PHACTR1: variants seen among roughly 807,000 people sequenced by gnomAD.
PHACTR1 encodes RPEL repeat containing 1.
PHACTR1 carries 16 observed loss-of-function variants against 69.2 expected under a neutral mutation model. The ratio of observed to expected loss-of-function variants is 0.23; its 90% CI spans 0.16 to 0.35. The LOEUF (loss-of-function observed/expected upper bound fraction) is 0.35. Ranked by LOEUF, PHACTR1 falls within the 10% of genes least tolerant of loss-of-function variation. The pLI is 1.00. For synonymous variants in PHACTR1, 312 were observed against 284.5 expected, an observed-to-expected ratio of 1.10 and a Z score of -0.97; for missense variants, 510 against 734.7, an observed-to-expected ratio of 0.69 and a Z score of 3.54.
chr6:13,117,284 T>A (rs531276712), intron 5 of PHACTR1, among the ~76,000 whole-genome samples: 1 of 152,354 alleles, frequency 6.6e-6, no homozygotes, highest in East Asian at 1.9e-4. Context: ...CTAGGCAAGA[T>A]GCCATGTTTA....
chr6:12,954,940 A>C (rs180976827), intron 4 of PHACTR1, among the ~76,000 whole-genome samples: 161 of 152,336 alleles, frequency 1.1e-3, no homozygotes, highest in African/African-American at 3.8e-3. Context: ...ACATGTGGCT[A>C]CTGGGCACTT....
chr6:12,819,663 G>A (rs1033493462), intron 4 of PHACTR1, among the ~76,000 whole-genome samples: 2 of 152,088 alleles, frequency 1.3e-5, no homozygotes, highest in Non-Finnish European at 2.9e-5. Context: ...AAAGTGATTT[G>A]TAATTTTAAA....
At chr6:13,221,900 G>A (rs1222662671) in intron 8 of PHACTR1, among the ~76,000 whole-genome samples, 1 of 152,182 alleles carries the variant, frequency 6.6e-6, no homozygotes, top group Non-Finnish European at 1.5e-5. Context: ...GCCAGGTGTG[G>A]TGGTGGGCAC....
chr6:13,284,724 G>A (rs1781268269), intron 13 of PHACTR1, among the ~76,000 whole-genome samples: 1 of 151,714 alleles, frequency 6.6e-6, no homozygotes, highest in Non-Finnish European at 1.5e-5. Context: ...ATATGATACA[G>A]CAGGAAGTCA....
chr6:13,101,066 T>A (rs1388941633), intron 5 of PHACTR1, among the ~76,000 whole-genome samples: 2 of 152,248 alleles, frequency 1.3e-5, no homozygotes, highest in African/African-American at 4.8e-5. Context: ...GTCCATTTTG[T>A]GTTGTTATAA....
intron 4 of PHACTR1, among the ~76,000 whole-genome samples, chr6:13,002,658 C>T (rs1798228837): frequency 6.6e-6 from 1 of 152,202 alleles, no homozygotes; most frequent in African/African-American, 2.4e-5. Flanking sequence ...CGAGAGTCAA[C>T]TCTAAATGAA....
chr6:12,953,752 T>C (rs868536261), intron 4 of PHACTR1, among the ~76,000 whole-genome samples: 4 of 152,222 alleles, frequency 2.6e-5, no homozygotes, highest in African/African-American at 9.7e-5. Flanking sequence ...GGCTGCTGTG[T>C]AATGACGAGA....
At chr6:12,824,119 G>T (rs1172015732) in intron 4 of PHACTR1, among the ~76,000 whole-genome samples, 1 of 152,186 alleles carries the variant, frequency 6.6e-6, no homozygotes, top group Non-Finnish European at 1.5e-5. Context: ...CCTCCCGTCA[G>T]ATCAGTGGTG....
chr6:12,789,002 G>A (rs542934679), intron 4 of PHACTR1, among the ~76,000 whole-genome samples: 104 of 152,282 alleles, frequency 6.8e-4, no homozygotes, highest in African/African-American at 2.3e-3. Context: ...ATGAATGTAA[G>A]GCATTTGCAT....
At chr6:12,919,198 A>C (rs1188294077) in intron 4 of PHACTR1, among the ~76,000 whole-genome samples, 1 of 152,116 alleles carries the variant, frequency 6.6e-6, no homozygotes, top group East Asian at 1.9e-4. Context: ...GCTGGAGTGC[A>C]ATGGTGCAAT....
intron 5 of PHACTR1, among the ~76,000 whole-genome samples, chr6:13,110,183 T>C (rs936348534): frequency 2.0e-5 from 3 of 152,116 alleles, no homozygotes; most frequent in African/African-American, 7.2e-5. Flanking sequence ...GTTTTCTTGT[T>C]TTTCTGTGTA....
chr6:13,104,815 C>T (rs1392774717), intron 5 of PHACTR1, among the ~76,000 whole-genome samples: 1 of 152,106 alleles, frequency 6.6e-6, no homozygotes, highest in Admixed American at 6.5e-5. Context: ...ATTGGCTATG[C>T]AAAGATAAAC....
intron 4 of PHACTR1, among the ~76,000 whole-genome samples, chr6:12,781,106 C>A (rs771208635): frequency 1.3e-5 from 2 of 152,200 alleles, no homozygotes; most frequent in Non-Finnish European, 2.9e-5. Flanking sequence ...CCCTGTCACT[C>A]CCCACTCTGG....
intron 3 of PHACTR1, among the ~76,000 whole-genome samples, chr6:12,741,462 GTTTATTTTCTT>G: frequency 6.6e-6 from 1 of 152,060 alleles, no homozygotes; most frequent in East Asian, 1.9e-4. Context: ...AGGGATCAAG[GTTTATTTTCTT>G]CCACCATATA....
At chr6:13,012,561 C>T (rs1425564341) in intron 4 of PHACTR1, among the ~76,000 whole-genome samples, 3 of 152,214 alleles carry the variant, frequency 2.0e-5, no homozygotes, top group African/African-American at 7.2e-5. Context: ...TGGCTGTAAA[C>T]ACCTGTTTCT....
rs78929850 is a variant in PHACTR1 at position 13,184,927 on chromosome 6, G to T, written c.664+2241G>T. 4.3e-4 allele frequency: 590 copies of T among 1,366,578 alleles called. 4 individuals are homozygous for T. The East Asian group carries it at 0.022, about 52-fold the overall frequency. 84.7% of individuals were successfully genotyped at this position (1,366,578 alleles called of 1,614,324 possible). On this transcript the variant is annotated intron_variant, in intron 7 of 14. Transcript: ENST00000332995. ...CCCTGGAGACCATGAAGAGACCCCA[G>T]TGAAGCAGCTGCCCCTTCTCAAGCA...
chr6:13,231,117 G>GAGAAAGAAAGAAGGAA lies in PHACTR1; in HGVS notation c.1391+927_1391+928insAAGAAAGAAGGAAAGA, dbSNP rs1562037551. ...AAGGAAGGGAAAAGAAAGAAGGAAA[G>GAGAAAGAAAGAAGGAA]AGAGAAAGAAAGAAGGAAAGAGAAA... On this transcript the variant is annotated intron_variant, in intron 10 of 14. Coordinates refer to ENST00000332995, the MANE Select transcript of PHACTR1 (RefSeq NM_030948.6). 2.9e-4 allele frequency among the ~76,000 whole-genome samples: 9 copies of GAGAAAGAAAGAAGGAA among 31,370 alleles called. 2 individuals are homozygous for GAGAAAGAAAGAAGGAA. The highest frequency in any genetic ancestry group is 6.1e-4 in the Non-Finnish European group (8 of 13,202). The allele number at this position is 31,370 out of a possible 152,430, so 20.6% of individuals were successfully genotyped here.
At chr6:12,729,717 C>T (rs1055209959) in intron 3 of PHACTR1, among the ~76,000 whole-genome samples, 4 of 152,192 alleles carry the variant, frequency 2.6e-5, no homozygotes, top group African/African-American at 9.7e-5. Flanking sequence ...ATACAGGACA[C>T]ACTGGGGAGG....
Position 13,182,520 on chromosome 6 carries a change from T to G in PHACTR1, c.498T>G (p.Asp166Glu). 6.2e-7 allele frequency: 1 copy of G among 1,613,798 alleles called. No homozygotes were observed. The highest frequency in any genetic ancestry group is 1.1e-5 in the South Asian group (1 of 91,080). ...RGVLKEIYDKDGELSISNEED... is the reference protein window; with the variant it reads ...RGVLKEIYDKEGELSISNEED... ...GCAATCTCCTTTTCTCTCTGACAGA[T>G]GGGGAACTCTCTATATCCAATGAAG... The change falls in exon 7 of 15, where the codon GAT (aspartate) becomes GAG (glutamate). Residue 166 changes from aspartate (D) to glutamate (E), a missense_variant and splice_region_variant. Physicochemically the swap from Asp to Glu is conservative, Grantham distance 45. Around this residue, in one of 2 missense-constraint regions of PHACTR1, gnomAD observed 419 missense variants for 530.9 expected, o/e 0.79. Coordinates refer to ENST00000332995, the MANE Select transcript of PHACTR1 (RefSeq NM_030948.6).
Sources: gnomAD v4.1 joint callset for allele counts (sites outside exome capture counted in the v4.1 genomes callset) on GRCh38, gnomAD v4.1.1 for gene constraint, gnomAD v4.1.1 regional missense constraint, MANE v1.5 for transcripts, NCBI Gene and HGNC (gene_info 2026-07-23, HGNC 2026-07-21) for gene names.